Variants in ATXN10 observed in about 807,000 individuals in gnomAD.
ATXN10 encodes ataxin 10, also known as ataxin-10.
In ATXN10, 28 loss-of-function variants were observed where a neutral mutation model predicts 52.9. The observed-to-expected ratio is 0.53, with a 90% CI of 0.39 to 0.73. ATXN10 has a LOEUF of 0.73. ATXN10 is among the 30% of genes least tolerant of loss of function. The pLI is 0.00. For synonymous variants in ATXN10, 226 were observed against 221.5 expected, an observed-to-expected ratio of 1.02 and a Z score of -0.18; for missense variants, 565 against 577.0, an observed-to-expected ratio of 0.98 and a Z score of 0.21.
At chr22:45,755,941 G>A (rs999076235) in intron 9 of ATXN10, among the ~76,000 whole-genome samples, 3 of 152,120 alleles carry the variant, frequency 2.0e-5, no homozygotes, top group African/African-American at 2.4e-5. Flanking sequence ...GGGTGCAACC[G>A]CATAAGAACC....
In ATXN10 at chr22:45,727,052, C is replaced by T. The variant is rs147209494; in HGVS notation, c.729-2373C>T. On this transcript the variant is annotated intron_variant, in intron 6 of 11. Coordinates refer to ENST00000252934, the MANE Select transcript of ATXN10 (RefSeq NM_013236.4). The surrounding 1 kb of genome is among the most constrained non-coding windows in gnomAD (Gnocchi z 4.6). ...TCAACTTGTGGTCTTTCAGACTTTT[C>T]GATGTAGGCATTTAGCACTGTAAAC... Among the ~76,000 whole-genome samples the T allele has an allele frequency of 7.9e-5, 12 of 152,164 alleles. No individual in the cohort carries two copies. The highest frequency in any genetic ancestry group is 6.2e-4 in the South Asian group (3 of 4,818).
chr22:45,735,360 C>T (rs1249455239), intron 7 of ATXN10, among the ~76,000 whole-genome samples: 1 of 151,736 alleles, frequency 6.6e-6, no homozygotes, highest in Non-Finnish European at 1.5e-5. Context: ...GTGGTGCAGT[C>T]GTAGCTTGCT....
At chr22:45,777,419 A>G (rs1267165755) in intron 9 of ATXN10, among the ~76,000 whole-genome samples, 2 of 152,228 alleles carry the variant, frequency 1.3e-5, no homozygotes, top group Non-Finnish European at 1.5e-5. Flanking sequence ...ACAGGTTCAT[A>G]TAATATATAA....
Position 45,843,763 on chromosome 22 carries a change from T to A in ATXN10, c.*92T>A. On this transcript the variant is annotated 3_prime_UTR_variant, in exon 12 of 12. Coordinates refer to ENST00000252934, the MANE Select transcript of ATXN10 (RefSeq NM_013236.4). This position sits in a 1 kb window ranked among gnomAD's most constrained non-coding sequence, Gnocchi z 4.5. ...GTGAAATTGCAAGTGTTTGAAGATT[T>A]ATAAGTACAAATTTGGGAACATACA... is the stretch of plus-strand genomic sequence containing the variant. The A allele has an allele frequency of 7.8e-7, 1 of 1,282,068 alleles. No homozygotes were observed. 79.4% of individuals were successfully genotyped at this position (1,282,068 alleles called of 1,614,324 possible). A position where few individuals can be genotyped will look rare whatever the true frequency, so the allele number is the denominator to read the frequency against.
At chr22:45,734,615 G>A (rs1444921618) in intron 7 of ATXN10, among the ~76,000 whole-genome samples, 2 of 148,484 alleles carry the variant, frequency 1.3e-5, no homozygotes, top group Non-Finnish European at 3.0e-5. Context: ...CACTTAGATT[G>A]TGGAAATACA....
chr22:45,803,473 T>C (rs1338522855), intron 9 of ATXN10, among the ~76,000 whole-genome samples: 1 of 152,172 alleles, frequency 6.6e-6, no homozygotes, highest in Admixed American at 6.5e-5. Context: ...TATGTTCTTC[T>C]AGCCAAACAA....
chr22:45,705,920 A>G lies in ATXN10; in HGVS notation c.647+3073A>G, dbSNP rs1200308669. On this transcript the variant is annotated intron_variant, in intron 5 of 11. Coordinates refer to ENST00000252934, the MANE Select transcript of ATXN10 (RefSeq NM_013236.4). The surrounding 1 kb of genome is among the most constrained non-coding windows in gnomAD (Gnocchi z 5.2). The stretch of plus-strand genomic sequence containing the variant: ...GCACAAGATAAGCAGCAGGCAAGCA[A>G]GCATTCCTGCCTGAGCGCCACTTCT... Among the ~76,000 whole-genome samples, 1 of 152,190 alleles carries G rather than the reference A, an allele frequency of 6.6e-6. No homozygotes were observed. The highest frequency in any genetic ancestry group is 1.5e-5 in the Non-Finnish European group (1 of 68,030).
At chr22:45,714,467 A>G (rs118041471) in intron 5 of ATXN10, among the ~76,000 whole-genome samples, 6,388 of 152,078 alleles carry the variant, frequency 0.042, 153 homozygotes, top group African/African-American at 0.048. Context: ...TGCAGCCTCA[A>G]TCTCCCAGGC....
intron 10 of ATXN10, among the ~76,000 whole-genome samples, chr22:45,821,997 C>T (rs2061548931): frequency 6.6e-6 from 1 of 152,196 alleles, no homozygotes; most frequent in African/African-American, 2.4e-5. Flanking sequence ...CCAGGCCTTC[C>T]CTGCTCTTCC....
chr22:45,832,443 C>G (rs1409878904), intron 10 of ATXN10, among the ~76,000 whole-genome samples: 6 of 152,196 alleles, frequency 3.9e-5, no homozygotes, highest in East Asian at 1.9e-4. Context: ...GTTAATTCCT[C>G]AGAGAGGCCT....
chr22:45,770,834 G>A lies in ATXN10; in HGVS notation c.1173+30296G>A, dbSNP rs1165025660. On this transcript the variant is annotated intron_variant, in intron 9 of 11. Transcript: ENST00000252934. The surrounding 1 kb of genome is among the most constrained non-coding windows in gnomAD (Gnocchi z 4.5). ...AGTGAATTGTTTCATTTGGTCCCAT[G>A]GCCTGGGAATACCCCCAAATTCCCT... Among the ~76,000 whole-genome samples the A allele has an allele frequency of 6.6e-6, 1 of 152,210 alleles. No homozygotes were observed. Among genetic ancestry groups the A allele is most frequent in the Non-Finnish European group, 1.5e-5 (1 of 68,034 alleles).
chr22:45,683,199 A>C lies in ATXN10; in HGVS notation c.117-6513A>C, dbSNP rs1222790548. Among the ~76,000 whole-genome samples the C allele has an allele frequency of 2.0e-5, 3 of 152,174 alleles. No homozygotes were observed. The highest frequency in any genetic ancestry group is 2.9e-5 in the Non-Finnish European group (2 of 68,026). On this transcript the variant is annotated intron_variant, in intron 1 of 11. Coordinates refer to ENST00000252934, the MANE Select transcript of ATXN10 (RefSeq NM_013236.4). The surrounding 1 kb of genome is among the most constrained non-coding windows in gnomAD (Gnocchi z 4.8). ...TTGGGCATGGTGGCACATGCCTGAA[A>C]TTCTACCTACTTGGGAGGCTGAGGC...
At chr22:45,799,444 G>GCC (rs1354558060) in intron 9 of ATXN10, among the ~76,000 whole-genome samples, 1 of 152,116 alleles carries the variant, frequency 6.6e-6, no homozygotes, top group African/African-American at 2.4e-5. Flanking sequence ...AGGAGGATGG[G>GCC]CCCCTAATCC....
At chr22:45,829,875 A>G (rs1378662071) in intron 10 of ATXN10, among the ~76,000 whole-genome samples, 1 of 152,228 alleles carries the variant, frequency 6.6e-6, no homozygotes, top group Non-Finnish European at 1.5e-5. Flanking sequence ...AACCCATTCC[A>G]AACTTCATAT....
chr22:45,705,717 A>G lies in ATXN10; in HGVS notation c.647+2870A>G, dbSNP rs1924013264. 6.6e-6 allele frequency among the ~76,000 whole-genome samples: 1 copy of G among 152,078 alleles called. No individual in the cohort carries two copies. Among genetic ancestry groups the G allele is most frequent in the Admixed American group, 6.5e-5 (1 of 15,270 alleles). The stretch of plus-strand genomic sequence containing the variant: ...CCAAAGTGCTGGGATTACAGGCGTG[A>G]GCCACCGCGCCCGGCCTCCACTTGT... On this transcript the variant is annotated intron_variant, in intron 5 of 11. Transcript: ENST00000252934. The surrounding 1 kb of genome is among the most constrained non-coding windows in gnomAD (Gnocchi z 5.2).
intron 10 of ATXN10, among the ~76,000 whole-genome samples, chr22:45,839,433 A>T (rs1464220885): frequency 6.6e-6 from 1 of 152,194 alleles, no homozygotes; most frequent in Non-Finnish European, 1.5e-5. Context: ...CAGGGGGCTG[A>T]GCAGGACCCA....
chr22:45,714,324 A>G (rs1322189307), intron 5 of ATXN10, among the ~76,000 whole-genome samples: 1 of 152,162 alleles, frequency 6.6e-6, no homozygotes, highest in Admixed American at 6.6e-5. Context: ...GATATCACCC[A>G]TCATATAAAA....
chr22:45,756,537 A>G (rs977871924), intron 9 of ATXN10, among the ~76,000 whole-genome samples: 11 of 152,240 alleles, frequency 7.2e-5, no homozygotes, highest in Non-Finnish European at 1.5e-4. Context: ...TTGTGTACCA[A>G]CTTTAAGCAA....
chr22:45,822,384 A>G (rs1928677398), intron 10 of ATXN10, among the ~76,000 whole-genome samples: 1 of 152,148 alleles, frequency 6.6e-6, no homozygotes, highest in African/African-American at 2.4e-5. Flanking sequence ...TCTTCAGAGT[A>G]GTGGTACCTG....
Sources: gnomAD v4.1 joint callset for allele counts (sites outside exome capture counted in the v4.1 genomes callset) on GRCh38, gnomAD v4.1.1 for gene constraint, Gnocchi (gnomAD v3.1) non-coding constraint, MANE v1.5 for transcripts, NCBI Gene and HGNC (gene_info 2026-07-23, HGNC 2026-07-21) for gene names.